The following USH2A variants were observed in gnomAD, a reference collection of about 807,000 sequenced individuals.
USH2A encodes usherin.
USH2A carries 443 observed loss-of-function variants against 538.9 expected under a neutral mutation model. The ratio of observed to expected loss-of-function variants is 0.82; its 90% CI spans 0.76 to 0.89. The LOEUF (loss-of-function observed/expected upper bound fraction) is 0.89. USH2A is among the 40% of genes least tolerant of loss of function. The pLI is 0.00. For synonymous variants in USH2A, 2,413 were observed against 2,273.5 expected, an observed-to-expected ratio of 1.06 and a Z score of -1.75; for missense variants, 6,633 against 6,324.8, an observed-to-expected ratio of 1.05 and a Z score of -1.65.
chr1:215,894,486 A>G (rs1164632442), intron 40 of USH2A, among the ~76,000 whole-genome samples: 5 of 152,134 alleles, frequency 3.3e-5, no homozygotes, highest in Admixed American at 6.5e-5. Context: ...CTTCTGTTAC[A>G]CGGTCTCAGA....
chr1:215,684,995 T>G (rs1658366762), intron 61 of USH2A, among the ~76,000 whole-genome samples: 1 of 152,092 alleles, frequency 6.6e-6, no homozygotes, highest in African/African-American at 2.4e-5. Flanking sequence ...TAATTATATT[T>G]TATTTTGTCT....
intron 47 of USH2A, among the ~76,000 whole-genome samples, chr1:215,830,695 G>A (rs962297592): frequency 6.6e-6 from 1 of 152,126 alleles, no homozygotes; most frequent in Non-Finnish European, 1.5e-5. Flanking sequence ...CACATTTATG[G>A]TTGCCTCACA....
At chr1:215,869,341 A>T (rs576245952) in intron 43 of USH2A, among the ~76,000 whole-genome samples, 2 of 152,228 alleles carry the variant, frequency 1.3e-5, no homozygotes, top group Admixed American at 6.5e-5. Context: ...AACAATCATA[A>T]TGATAATCTG....
intron 21 of USH2A, among the ~76,000 whole-genome samples, chr1:216,102,020 A>G (rs1471497028): frequency 1.3e-5 from 2 of 152,208 alleles, no homozygotes; most frequent in East Asian, 3.8e-4. Context: ...CTTAAACGAT[A>G]AATGTGAAGC....
chr1:215,843,681 T>C (rs868837676), intron 46 of USH2A, among the ~76,000 whole-genome samples: 1 of 152,180 alleles, frequency 6.6e-6, no homozygotes, highest in Non-Finnish European at 1.5e-5. Flanking sequence ...GCGGAGAACA[T>C]TGAACATTTT....
chr1:215,760,815 TTCTC>T (rs1660959508), intron 56 of USH2A, among the ~76,000 whole-genome samples: 1 of 152,172 alleles, frequency 6.6e-6, no homozygotes, highest in Admixed American at 6.5e-5. Flanking sequence ...CAAGCCACGT[TTCTC>T]TCTCTCATAA....
chr1:216,089,011 A>C lies in USH2A; in HGVS notation c.4885+2T>G. Reference sequence around the variant, plus strand: ...TATTTATACATATCAAAAAGTACTTACCTGTATATATCCCATCCAGAGTGA... The same window carrying C: ...TATTTATACATATCAAAAAGTACTTCCCTGTATATATCCCATCCAGAGTGA... On this transcript the variant is annotated splice_donor_variant, in intron 23 of 71. Transcript: ENST00000307340. LOFTEE classifies it high-confidence loss of function. 1 of 1,613,356 alleles carries C rather than the reference A, an allele frequency of 6.2e-7. No homozygotes were observed. Among genetic ancestry groups the C allele is most frequent in the Non-Finnish European group, 8.5e-7 (1 of 1,179,502 alleles).
At chr1:215,919,630 T>C (rs1666047082) in intron 38 of USH2A, among the ~76,000 whole-genome samples, 2 of 152,182 alleles carry the variant, frequency 1.3e-5, no homozygotes, top group South Asian at 4.1e-4. Context: ...TTATTTTTAT[T>C]CTGCATTGTA....
chr1:215,646,395 T>TTTTTTTTTTTTTTTTTTTTTTTTG (rs1656853189), intron 67 of USH2A, among the ~76,000 whole-genome samples: 1 of 151,756 alleles, frequency 6.6e-6, no homozygotes, highest in Non-Finnish European at 1.5e-5. Flanking sequence ...TTGCCATTAT[T>TTTTTTTTTTTTTTTTTTTTTTTTG]AAACAATGAA....
intron 11 of USH2A, among the ~76,000 whole-genome samples, chr1:216,269,874 C>A (rs1273547870): frequency 6.6e-6 from 1 of 151,998 alleles, no homozygotes. Flanking sequence ...AGGTTACTGA[C>A]AACAGAAAAG....
intron 46 of USH2A, among the ~76,000 whole-genome samples, chr1:215,843,347 G>C (rs1339383910): frequency 6.6e-6 from 1 of 152,062 alleles, no homozygotes; most frequent in Non-Finnish European, 1.5e-5. Context: ...GAAATACTCT[G>C]ATTTTTTTTT....
intron 3 of USH2A, among the ~76,000 whole-genome samples, chr1:216,391,416 T>C (rs1238832540): frequency 6.6e-6 from 1 of 152,206 alleles, no homozygotes; most frequent in Non-Finnish European, 1.5e-5. Context: ...CACATTACTT[T>C]ACCATCTGCC....
At chr1:215,932,817 T>C (rs1462581744) in intron 38 of USH2A, among the ~76,000 whole-genome samples, 2 of 152,058 alleles carry the variant, frequency 1.3e-5, no homozygotes, top group African/African-American at 4.8e-5. Flanking sequence ...CCTCAGTTAA[T>C]GGTTTACTCA....
intron 44 of USH2A, among the ~76,000 whole-genome samples, chr1:215,861,925 C>T (rs906456188): frequency 2.3e-4 from 35 of 150,520 alleles, no homozygotes; most frequent in African/African-American, 4.2e-4. Flanking sequence ...CTGCAACCTC[C>T]GCCTCCCGGG....
At chr1:216,121,703 A>G (rs1300779641) in intron 21 of USH2A, among the ~76,000 whole-genome samples, 1 of 152,204 alleles carries the variant, frequency 6.6e-6, no homozygotes, top group Non-Finnish European at 1.5e-5. Flanking sequence ...ATGGAGAAAA[A>G]CTAATGATGT....
intron 41 of USH2A, among the ~76,000 whole-genome samples, chr1:215,883,157 G>A (rs6673555): frequency 0.17 from 26,267 of 151,944 alleles, 2,927 homozygotes; most frequent in Non-Finnish European, 0.23. Flanking sequence ...AAAATTAATT[G>A]TGGTTTTTGT....
At chr1:215,705,433 C>A (rs544489700) in intron 61 of USH2A, among the ~76,000 whole-genome samples, 2 of 152,066 alleles carry the variant, frequency 1.3e-5, no homozygotes, top group Admixed American at 6.6e-5. Flanking sequence ...AGTGAAGTGA[C>A]GAGAGTTTGT....
intron 43 of USH2A, among the ~76,000 whole-genome samples, chr1:215,873,816 AT>A (rs1382738106): frequency 2.0e-5 from 3 of 148,868 alleles, no homozygotes; most frequent in Admixed American, 6.8e-5. Context: ...AAAAAAAAAA[AT>A]ACTCTGAGAA....
At chr1:215,915,482 CTCTG>C (rs1665928477) in intron 38 of USH2A, among the ~76,000 whole-genome samples, 2 of 152,172 alleles carry the variant, frequency 1.3e-5, no homozygotes, top group African/African-American at 4.8e-5. Flanking sequence ...AAGAAATTGT[CTCTG>C]TCTTTCTTAG....
Sources: allele counts gnomAD v4.1 joint callset (sites outside exome capture counted in the v4.1 genomes callset), GRCh38; gene constraint gnomAD v4.1.1; transcripts MANE v1.5; gene names NCBI Gene and HGNC (gene_info 2026-07-23, HGNC 2026-07-21).